DNMT3A: variants seen among roughly 807,000 people sequenced by gnomAD.
DNMT3A encodes DNA methyltransferase 3 alpha, also known as DNA (cytosine-5)-methyltransferase 3A.
In DNMT3A, 267 loss-of-function variants were observed where a neutral mutation model predicts 117.6. The ratio of observed to expected loss-of-function variants is 2.27; its 90% CI spans 2.05 to 2.51. The LOEUF (loss-of-function observed/expected upper bound fraction) is 2.51, where lower values mean the gene tolerates loss of function less well. DNMT3A is among the 30% of genes most tolerant of loss of function. The probability of loss-of-function intolerance (pLI) is 0.00; values close to 1 mark genes in which losing one functional copy is unlikely to be tolerated. For synonymous variants in DNMT3A, 432 were observed against 474.8 expected (o/e 0.91, Z 1.17); for missense variants, 1,029 against 1,260.2 (o/e 0.82, Z 2.78).
At chr2:25,238,834 C>G (rs1218269428) in intron 20 of DNMT3A, among the ~76,000 whole-genome samples, 3 of 152,198 alleles carry the variant, frequency 2.0e-5, no homozygotes, top group Admixed American at 6.5e-5. Context: ...CGGGACACAT[C>G]ACCAATGTCA....
At chr2:25,268,389 G>C (rs143501220) in intron 6 of DNMT3A, among the ~76,000 whole-genome samples, 1 of 152,128 alleles carries the variant, frequency 6.6e-6, no homozygotes, top group Non-Finnish European at 1.5e-5. Context: ...CACCAGCCGC[G>C]ACACAAACTG....
intron 17 of DNMT3A, among the ~76,000 whole-genome samples, chr2:25,241,202 C>T (rs921123811): frequency 1.3e-5 from 2 of 152,160 alleles, no homozygotes; most frequent in Non-Finnish European, 2.9e-5. Context: ...TCTCTCTAAT[C>T]CAAAGAGCTC....
intron 3 of DNMT3A, among the ~76,000 whole-genome samples, chr2:25,289,081 C>CGACT (rs2032547207): frequency 1.3e-5 from 2 of 151,986 alleles, no homozygotes; most frequent in African/African-American, 2.4e-5. Context: ...CCTCCCTCCT[C>CGACT]GACTGTGAGC....
intron 4 of DNMT3A, among the ~76,000 whole-genome samples, chr2:25,280,320 G>GC (rs1225841920): frequency 2.5e-4 from 7 of 28,346 alleles, no homozygotes; most frequent in South Asian, 1.7e-3. Flanking sequence ...CCGCCTCCCC[G>GC]CCCCCCCACC....
At position 25,244,246 on chromosome 2, in the gene DNMT3A, C is replaced by T; in HGVS notation, c.1760G>A (p.Gly587Glu). Reference sequence around the variant, plus strand: ...CAGCAGCCCGTAGGTACCCTTGTGCCCGCACATGTAGCAGTTCCAGGGGTC... The same window carrying T: ...CAGCAGCCCGTAGGTACCCTTGTGCTCGCACATGTAGCAGTTCCAGGGGTC... The part of the protein sequence containing the change: ...KEDPWNCYMC[G>E]HKGTYGLLRR... Residue 587 changes from glycine (G) to glutamate (E), a missense_variant, in exon 15 of 23, where the codon GGG becomes GAG. Physicochemically the swap from Gly to Glu is moderately conservative, Grantham distance 98. Coordinates refer to ENST00000321117, the MANE Select transcript of DNMT3A (RefSeq NM_022552.5). 1 of 1,614,028 alleles carries T rather than the reference C, an allele frequency of 6.2e-7. No homozygotes were observed. Among genetic ancestry groups the T allele is most frequent in the Non-Finnish European group, 8.5e-7 (1 of 1,180,030 alleles).
intron 13 of DNMT3A, among the ~76,000 whole-genome samples, chr2:25,244,896 A>AC (rs1454522240): frequency 6.6e-6 from 1 of 152,054 alleles, no homozygotes; most frequent in Non-Finnish European, 1.5e-5. Flanking sequence ...CTGCACCACC[A>AC]CCTTGGGCCT....
At chr2:25,338,680 TGA>T (rs2035301692) in intron 1 of DNMT3A, among the ~76,000 whole-genome samples, 1 of 152,094 alleles carries the variant, frequency 6.6e-6, no homozygotes, top group African/African-American at 2.4e-5. Context: ...GATCACAAAC[TGA>T]GAGCGGGGAC....
chr2:25,256,619 A>G (rs1469957877), intron 6 of DNMT3A, among the ~76,000 whole-genome samples: 1 of 152,230 alleles, frequency 6.6e-6, no homozygotes, highest in East Asian at 1.9e-4. Flanking sequence ...AAACATTGCC[A>G]TCATCCCAGA....
Position 25,314,227 on chromosome 2 carries a change from C to T in DNMT3A, c.-177-66G>A, listed in dbSNP as rs571838232. ...ACCCTCCCTGGGTCAGGCCCTCAGC[C>T]CAGGGCCACACCTGGCCTGTGAGGC... On this transcript the variant is annotated intron_variant, in intron 1 of 22. Transcript: ENST00000321117. 10 of 1,384,522 alleles carry T rather than the reference C, an allele frequency of 7.2e-6. No homozygotes were observed. In the African/African-American group the frequency reaches 1.5e-4, roughly 20 times the overall value. 85.8% of individuals were successfully genotyped at this position (1,384,522 alleles called of 1,614,324 possible).
intron 6 of DNMT3A, among the ~76,000 whole-genome samples, chr2:25,273,643 C>A (rs918965449): frequency 6.6e-6 from 1 of 152,160 alleles, no homozygotes; most frequent in Non-Finnish European, 1.5e-5. Context: ...GAGTTGATTT[C>A]CCTCCTCAGT....
In DNMT3A at chr2:25,237,052, CG is replaced by C. The variant is rs1558654788; in HGVS notation, c.2409-48del. The stretch of plus-strand genomic sequence containing the variant: ...GTAACAACAGAAACCTGGATAACAG[CG>C]GGAAGGGCCCCAGCTGCACGACTCC... On this transcript the variant is annotated intron_variant, in intron 20 of 22. Coordinates refer to ENST00000321117, the MANE Select transcript of DNMT3A (RefSeq NM_022552.5). The surrounding 1 kb of genome is among the most constrained non-coding windows in gnomAD (Gnocchi z 5.4). 1 of 1,596,666 alleles carries C rather than the reference CG, an allele frequency of 6.3e-7. No homozygotes were observed. Among genetic ancestry groups the C allele is most frequent in the Non-Finnish European group, 8.6e-7 (1 of 1,168,868 alleles).
At chr2:25,313,616 T>C (rs554282600) in intron 2 of DNMT3A, among the ~76,000 whole-genome samples, 29 of 152,282 alleles carry the variant, frequency 1.9e-4, no homozygotes, top group African/African-American at 6.7e-4. Flanking sequence ...GTTCTGGGAC[T>C]CTCTGTGAGG....
At chr2:25,255,692 A>C (rs1190211944) in intron 6 of DNMT3A, among the ~76,000 whole-genome samples, 2 of 152,244 alleles carry the variant, frequency 1.3e-5, no homozygotes, top group Non-Finnish European at 2.9e-5. Flanking sequence ...GATACCAGTA[A>C]GTTGCCAGAA....
At chr2:25,276,438 C>T (rs772158717) in intron 4 of DNMT3A, among the ~76,000 whole-genome samples, 9 of 152,216 alleles carry the variant, frequency 5.9e-5, no homozygotes, top group Non-Finnish European at 8.8e-5. Context: ...GTTCTCCTTC[C>T]CTAAGGATTC....
intron 1 of DNMT3A, among the ~76,000 whole-genome samples, chr2:25,322,303 C>A (rs577492253): frequency 6.6e-6 from 1 of 152,192 alleles, no homozygotes; most frequent in South Asian, 2.1e-4. Context: ...GTTTGGCCTC[C>A]ATTTCCTTCT....
Position 25,281,233 on chromosome 2 carries a change from C to G in DNMT3A, c.448+1208G>C, listed in dbSNP as rs529897465. On this transcript the variant is annotated intron_variant, in intron 4 of 22. Transcript: ENST00000321117. This position sits in a 1 kb window ranked among gnomAD's most constrained non-coding sequence, Gnocchi z 4.8. The stretch of plus-strand genomic sequence containing the variant: ...AGGCACAAGACCAGGACTGAATGAG[C>G]CCTGGATCTGCCACTTAAGGTTGGG... 4.7e-4 allele frequency among the ~76,000 whole-genome samples: 72 copies of G among 152,304 alleles called. 1 individual carries two copies. Among genetic ancestry groups the G allele is most frequent in the Middle Eastern group, 3.4e-3 (1 of 294 alleles).
At position 25,286,403 on chromosome 2, in the gene DNMT3A, C is replaced by A. The variant is rs994480342; in HGVS notation, c.178-3692G>T. 6.6e-6 allele frequency among the ~76,000 whole-genome samples: 1 copy of A among 152,246 alleles called. No individual in the cohort carries two copies. The highest frequency in any genetic ancestry group is 2.4e-5 in the African/African-American group (1 of 41,468). ...GATGATGGGCGAGCGGGGCATGTTG[C>A]ACATTTCCAGCCCCGGGTTAGCTCA... On this transcript the variant is annotated intron_variant, in intron 3 of 22. Transcript: ENST00000321117. The surrounding 1 kb of genome is among the most constrained non-coding windows in gnomAD (Gnocchi z 4.3).
intron 6 of DNMT3A, among the ~76,000 whole-genome samples, chr2:25,248,517 C>T (rs1401155815): frequency 6.6e-6 from 1 of 152,096 alleles, no homozygotes; most frequent in Non-Finnish European, 1.5e-5. Flanking sequence ...ATCAGCATAT[C>T]GGTTGCCTAC....
In DNMT3A at chr2:25,281,483, C is replaced by A. The variant is rs185590909; in HGVS notation, c.448+958G>T. On this transcript the variant is annotated intron_variant, in intron 4 of 22. Coordinates refer to ENST00000321117, the MANE Select transcript of DNMT3A (RefSeq NM_022552.5). The surrounding 1 kb of genome is among the most constrained non-coding windows in gnomAD (Gnocchi z 4.8). ...TGGAAATTTGTATTCTGGAAATGTT[C>A]TCTATCCTGCATGAACATTAGGTTG... 7.2e-4 allele frequency: 757 copies of A among 1,052,924 alleles called. 4 individuals are homozygous for A. In the African/African-American group the frequency reaches 0.011, roughly 16 times the overall value. The allele number at this position is 1,052,924 out of a possible 1,614,324, so 65.2% of individuals were successfully genotyped here.
Sources: gnomAD v4.1 joint callset for allele counts (sites outside exome capture counted in the v4.1 genomes callset) on GRCh38, gnomAD v4.1.1 for gene constraint, Gnocchi (gnomAD v3.1) non-coding constraint, MANE v1.5 for transcripts, NCBI Gene and HGNC (gene_info 2026-07-23, HGNC 2026-07-21) for gene names.